SLCO2A1: variants seen among roughly 807,000 people sequenced by gnomAD.
SLCO2A1 encodes solute carrier organic anion transporter family member 2A1, also known as matrin F/G 1.
SLCO2A1 carries 60 observed loss-of-function variants against 71.7 expected under a neutral mutation model. The observed-to-expected ratio is 0.84, with a 90% CI of 0.68 to 1.04. SLCO2A1 has a LOEUF of 1.04. Among genes scored for constraint, SLCO2A1 ranks in the 50% least tolerant of loss-of-function variants. The pLI, the probability that SLCO2A1 is intolerant of heterozygous loss-of-function variation, is 0.00. For synonymous variants in SLCO2A1, 308 were observed against 326.7 expected (o/e 0.94, Z 0.62); for missense variants, 745 against 813.4 (o/e 0.92, Z 1.02).
Position 133,945,183 on chromosome 3 carries a change from A to T in SLCO2A1, c.1373T>A (p.Val458Asp). The T allele has an allele frequency of 6.2e-7, 1 of 1,614,162 alleles. No homozygotes were observed. Among genetic ancestry groups the T allele is most frequent in the Non-Finnish European group, 8.5e-7 (1 of 1,180,010 alleles). The change falls in exon 10 of 14, where the codon GTC becomes GAC. Residue 458 changes from valine to aspartate, a missense_variant. Transcript: ENST00000310926. ...CSCPDSIFHP[V>D]CGDNGIEYLS... ...GTACTCGATTCCATTGTCTCCACAG[A>T]CCGGGTGGAAGATAGAATCTGGGCA...
At chr3:133,937,711 G>T (rs1933305931) in intron 12 of SLCO2A1, among the ~76,000 whole-genome samples, 1 of 152,180 alleles carries the variant, frequency 6.6e-6, no homozygotes, top group Admixed American at 6.5e-5. Flanking sequence ...AGTTCAATTA[G>T]GTCCCTTTAC....
At chr3:133,982,127 G>A (rs989329170) in intron 1 of SLCO2A1, among the ~76,000 whole-genome samples, 1 of 152,236 alleles carries the variant, frequency 6.6e-6, no homozygotes, top group African/African-American at 2.4e-5. Context: ...CTGTGACAGT[G>A]ATGGGGATGG....
chr3:134,007,019 C>A (rs533050814), intron 1 of SLCO2A1, among the ~76,000 whole-genome samples: 1 of 152,280 alleles, frequency 6.6e-6, no homozygotes, highest in Admixed American at 6.5e-5. Flanking sequence ...TTATAGTAGC[C>A]ATCCTAATGG....
At chr3:133,968,581 C>T (rs562952895) in intron 3 of SLCO2A1, among the ~76,000 whole-genome samples, 9 of 152,366 alleles carry the variant, frequency 5.9e-5, no homozygotes, top group African/African-American at 2.2e-4. Context: ...TCCAAAAATA[C>T]AGTGCTCCCC....
At chr3:133,994,471 C>T (rs536244014) in intron 1 of SLCO2A1, among the ~76,000 whole-genome samples, 1 of 152,360 alleles carries the variant, frequency 6.6e-6, no homozygotes, top group Admixed American at 6.5e-5. Flanking sequence ...CAGGGTTCCC[C>T]TTGCCATTTG....
At chr3:133,971,194 G>A (rs13319548) in intron 3 of SLCO2A1, among the ~76,000 whole-genome samples, 52,243 of 152,194 alleles carry the variant, frequency 0.34, 9,663 homozygotes, top group African/African-American at 0.48. Flanking sequence ...TTCACGTGAC[G>A]AGAAAGGGCA....
chr3:133,943,251 A>G (rs1047323400), intron 10 of SLCO2A1, among the ~76,000 whole-genome samples: 1 of 152,182 alleles, frequency 6.6e-6, no homozygotes, highest in Non-Finnish European at 1.5e-5. Flanking sequence ...CCCTGCCTGA[A>G]AGGAACTCCT....
intron 3 of SLCO2A1, among the ~76,000 whole-genome samples, chr3:133,962,054 G>C (rs1295292231): frequency 1.3e-5 from 2 of 152,160 alleles, no homozygotes; most frequent in African/African-American, 2.4e-5. Flanking sequence ...GGTCAGAATA[G>C]AGTCTTCTAG....
chr3:133,972,599 CAAAGA>C lies in SLCO2A1; in HGVS notation c.397+1059_397+1063del, dbSNP rs567388567. ...ACCTTATGGTAGACATACAGAACAACAAAGAAAAGAAAAGAACAAATACTAAATAG... is the reference window on the plus strand; with the variant it reads ...ACCTTATGGTAGACATACAGAACAACAAAGAAAAGAACAAATACTAAATAG... On this transcript the variant is annotated intron_variant, in intron 3 of 13. Coordinates refer to ENST00000310926, the MANE Select transcript of SLCO2A1 (RefSeq NM_005630.3). Among the ~76,000 whole-genome samples the C allele has an allele frequency of 2.0e-3, 303 of 151,914 alleles. 1 individual carries two copies. Among genetic ancestry groups the C allele is most frequent in the African/African-American group, 6.8e-3 (282 of 41,416 alleles).
intron 2 of SLCO2A1, among the ~76,000 whole-genome samples, chr3:133,976,832 G>A (rs188513783): frequency 4.0e-4 from 61 of 152,274 alleles, no homozygotes; most frequent in Middle Eastern, 3.4e-3. Flanking sequence ...CTAGCCTTTC[G>A]TAGTGGACAA....
intron 1 of SLCO2A1, among the ~76,000 whole-genome samples, chr3:133,992,882 A>T (rs1030078188): frequency 6.6e-5 from 10 of 152,038 alleles, no homozygotes; most frequent in Admixed American, 6.5e-5. Flanking sequence ...GTGCAACCTT[A>T]TTACTCTTGG....
At chr3:133,962,586 TG>T (rs1934065216) in intron 3 of SLCO2A1, among the ~76,000 whole-genome samples, 1 of 152,116 alleles carries the variant, frequency 6.6e-6, no homozygotes. Context: ...GCAGACAGAA[TG>T]GGGGACTTGA....
Position 133,942,648 on chromosome 3 carries a change from T to C in SLCO2A1, c.1582A>G (p.Ile528Val). 9.9e-6 allele frequency: 16 copies of C among 1,613,558 alleles called. No individual in the cohort carries two copies. Among genetic ancestry groups the C allele is most frequent in the Non-Finnish European group, 1.4e-5 (16 of 1,179,846 alleles). The stretch of plus-strand genomic sequence containing the variant: ...AGGGGGTTGTGGGAGATGCAGGCTA[T>C]CAGGGACACGAAGGAGATGAGGAAG... ...AIFLISFVSL[I>V]ACISHNPLYM... The change falls in exon 11 of 14, where the codon ATA becomes GTA. Residue 528 changes from isoleucine (I) to valine (V), a missense_variant. Ile to Val is a conservative substitution (Grantham distance 29, BLOSUM62 3). Transcript: ENST00000310926.
chr3:133,983,302 C>T (rs945419731), intron 1 of SLCO2A1, among the ~76,000 whole-genome samples: 1 of 152,208 alleles, frequency 6.6e-6, no homozygotes, highest in Admixed American at 6.5e-5. Flanking sequence ...TAACTCGGTT[C>T]AGATTTTGGT....
chr3:133,950,719 C>G (rs1440843245), intron 6 of SLCO2A1, among the ~76,000 whole-genome samples: 1 of 152,194 alleles, frequency 6.6e-6, no homozygotes, highest in Non-Finnish European at 1.5e-5. Context: ...TTCCTTTCCC[C>G]AGCAGGCGTG....
intron 11 of SLCO2A1, among the ~76,000 whole-genome samples, chr3:133,940,342 A>G (rs932659555): frequency 6.6e-6 from 1 of 152,124 alleles, no homozygotes; most frequent in African/African-American, 2.4e-5. Context: ...AGTAGGATTT[A>G]TCTTTAAATC....
intron 1 of SLCO2A1, among the ~76,000 whole-genome samples, chr3:134,018,989 C>A (rs1346044093): frequency 6.6e-6 from 1 of 152,194 alleles, no homozygotes; most frequent in Non-Finnish European, 1.5e-5. Flanking sequence ...GAAAGGGTAT[C>A]AGCCCGTTAG....
At chr3:133,985,735 T>C (rs1934699648) in intron 1 of SLCO2A1, among the ~76,000 whole-genome samples, 4 of 152,252 alleles carry the variant, frequency 2.6e-5, no homozygotes, top group Admixed American at 2.6e-4. Context: ...AGTTCAAAAT[T>C]GGGGCTCAAT....
chr3:134,026,952 ACT>A (rs1935711319), intron 1 of SLCO2A1, among the ~76,000 whole-genome samples: 1 of 151,862 alleles, frequency 6.6e-6, no homozygotes. Context: ...AGAATTTAAA[ACT>A]CTAATAATAA....
Sources: gnomAD v4.1 joint callset for allele counts (sites outside exome capture counted in the v4.1 genomes callset) on GRCh38, gnomAD v4.1.1 for gene constraint, MANE v1.5 for transcripts, NCBI Gene and HGNC (gene_info 2026-07-23, HGNC 2026-07-21) for gene names.